Variants in CNTNAP2 observed in about 807,000 individuals in gnomAD.
The protein encoded by CNTNAP2 is contactin associated protein 2.
In CNTNAP2, 98 loss-of-function variants were observed where a neutral mutation model predicts 155.2. The ratio of observed to expected loss-of-function variants is 0.63; its 90% CI spans 0.54 to 0.75. The LOEUF is 0.75. CNTNAP2 is among the 30% of genes least tolerant of loss of function. The pLI is 0.00. For synonymous variants in CNTNAP2, 651 were observed against 631.2 expected, an observed-to-expected ratio of 1.03 and a Z score of -0.47; for missense variants, 1,727 against 1,688.1, an observed-to-expected ratio of 1.02 and a Z score of -0.40.
chr7:148,337,480 T>C (rs888123915), intron 21 of CNTNAP2, among the ~76,000 whole-genome samples: 5 of 152,206 alleles, frequency 3.3e-5, no homozygotes, highest in African/African-American at 7.2e-5. Flanking sequence ...GTGATTTCGA[T>C]GTGAAACGAG....
At chr7:146,884,919 A>G (rs1306065458) in intron 3 of CNTNAP2, among the ~76,000 whole-genome samples, 2 of 152,158 alleles carry the variant, frequency 1.3e-5, no homozygotes, top group Admixed American at 6.6e-5. Flanking sequence ...ACAGCTCTCA[A>G]TGTCATATAT....
At chr7:146,294,925 A>C (rs924145824) in intron 1 of CNTNAP2, among the ~76,000 whole-genome samples, 4 of 152,184 alleles carry the variant, frequency 2.6e-5, no homozygotes, top group Admixed American at 1.3e-4. Flanking sequence ...CTTCCATTAG[A>C]GATTATATGC....
intron 15 of CNTNAP2, among the ~76,000 whole-genome samples, chr7:147,989,036 A>G (rs1229279166): frequency 6.6e-6 from 1 of 152,208 alleles, no homozygotes; most frequent in African/African-American, 2.4e-5. Context: ...TTAGGATGGA[A>G]GTTTGGATTC....
intron 1 of CNTNAP2, among the ~76,000 whole-genome samples, chr7:146,532,856 G>C (rs180930943): frequency 4.0e-5 from 6 of 151,786 alleles, no homozygotes; most frequent in Admixed American, 6.6e-5. Context: ...AGGCCGAGGC[G>C]GGCGGATCAC....
At chr7:147,948,396 C>T (rs915170649) in intron 14 of CNTNAP2, among the ~76,000 whole-genome samples, 4 of 151,558 alleles carry the variant, frequency 2.6e-5, no homozygotes, top group Non-Finnish European at 5.9e-5. Context: ...ACATTGCATG[C>T]CTGCATCAAA....
intron 3 of CNTNAP2, among the ~76,000 whole-genome samples, chr7:146,907,966 C>A (rs1796176585): frequency 6.6e-6 from 1 of 152,052 alleles, no homozygotes; most frequent in Admixed American, 6.6e-5. Context: ...ATCTACCAAG[C>A]AAATAGAAAA....
chr7:148,383,270 G>A lies in CNTNAP2; in HGVS notation c.3476-379G>A, dbSNP rs141524016. Reference sequence around the variant, plus strand: ...AACAGAACCATATTTTGCCAGGAGGGCAGAGCAGGGCTGCTTTGTTCAATT... The same window carrying A: ...AACAGAACCATATTTTGCCAGGAGGACAGAGCAGGGCTGCTTTGTTCAATT... On this transcript the variant is annotated intron_variant, in intron 21 of 23. Transcript: ENST00000361727. 3.3e-5 allele frequency among the ~76,000 whole-genome samples: 5 copies of A among 151,930 alleles called. No homozygotes were observed. The East Asian group carries it at 5.8e-4, about 18-fold the overall frequency.
chr7:147,351,517 T>C (rs966130510), intron 9 of CNTNAP2, among the ~76,000 whole-genome samples: 2 of 151,892 alleles, frequency 1.3e-5, no homozygotes, highest in African/African-American at 4.8e-5. Context: ...TAAACAGTTA[T>C]GTTTTGCCTA....
chr7:147,020,855 C>A (rs2129246461), intron 3 of CNTNAP2, among the ~76,000 whole-genome samples: 1 of 152,208 alleles, frequency 6.6e-6, no homozygotes, highest in Non-Finnish European at 1.5e-5. Context: ...GAGTGGGATA[C>A]ACATAGTCAG....
intron 11 of CNTNAP2, among the ~76,000 whole-genome samples, chr7:147,515,365 C>A (rs150783627): frequency 7.1e-6 from 1 of 141,098 alleles, no homozygotes; most frequent in Admixed American, 7.6e-5. Context: ...CTCTGTCGCC[C>A]AGGCTGGAGT....
At chr7:146,319,960 T>A (rs978855124) in intron 1 of CNTNAP2, among the ~76,000 whole-genome samples, 3 of 152,142 alleles carry the variant, frequency 2.0e-5, no homozygotes, top group Admixed American at 6.5e-5. Context: ...TTCCTCTTAA[T>A]GTATTTCATA....
chr7:147,950,685 C>T (rs1882688), intron 14 of CNTNAP2, among the ~76,000 whole-genome samples: 24,558 of 152,104 alleles, frequency 0.16, 2,095 homozygotes, highest in Middle Eastern at 0.29. Context: ...CAAAGCATGC[C>T]ACTTTGGCAT....
At chr7:148,344,280 G>A (rs1476368242) in intron 21 of CNTNAP2, among the ~76,000 whole-genome samples, 1 of 152,060 alleles carries the variant, frequency 6.6e-6, no homozygotes, top group Non-Finnish European at 1.5e-5. Context: ...GAGCAAAACC[G>A]AGTCAAAAAT....
chr7:148,218,857 G>A (rs1795692377), intron 19 of CNTNAP2, among the ~76,000 whole-genome samples: 2 of 151,172 alleles, frequency 1.3e-5, no homozygotes, highest in Non-Finnish European at 2.9e-5. Context: ...AAGCCCTGGA[G>A]TGTACAAACT....
At chr7:146,653,903 G>A (rs1465677163) in intron 1 of CNTNAP2, among the ~76,000 whole-genome samples, 3 of 152,128 alleles carry the variant, frequency 2.0e-5, no homozygotes, top group East Asian at 1.9e-4. Flanking sequence ...AGTGGCAGAA[G>A]TAGAAATCAT....
At chr7:147,369,060 T>C (rs1389512958) in intron 9 of CNTNAP2, among the ~76,000 whole-genome samples, 1 of 152,228 alleles carries the variant, frequency 6.6e-6, no homozygotes, top group Non-Finnish European at 1.5e-5. Flanking sequence ...TTTTGGACTA[T>C]GGTCTATACA....
intron 15 of CNTNAP2, among the ~76,000 whole-genome samples, chr7:148,112,415 G>GTAGTATTATTAT (rs71527878): frequency 1.3e-5 from 2 of 148,628 alleles, no homozygotes; most frequent in East Asian, 2.0e-4. Context: ...CTAAATTTTA[G>GTAGTATTATTAT]TATTATTATT....
At chr7:148,074,644 C>T (rs112686643) in intron 15 of CNTNAP2, among the ~76,000 whole-genome samples, 7,719 of 151,390 alleles carry the variant, frequency 0.051, 252 homozygotes, top group Admixed American at 0.11. Context: ...GCCGAGATTG[C>T]GCCACTGCAC....
At chr7:147,028,597 A>G (rs28392749) in intron 3 of CNTNAP2, among the ~76,000 whole-genome samples, 41,841 of 151,634 alleles carry the variant, frequency 0.28, 7,035 homozygotes, top group African/African-American at 0.49. Flanking sequence ...GTTAGACTGT[A>G]GAAGAAGGCC....
Sources: gnomAD v4.1 joint callset for allele counts (sites outside exome capture counted in the v4.1 genomes callset) on GRCh38, gnomAD v4.1.1 for gene constraint, MANE v1.5 for transcripts, NCBI Gene and HGNC (gene_info 2026-07-23, HGNC 2026-07-21) for gene names.